PITPNM2: variants seen among roughly 807,000 people sequenced by gnomAD.
PITPNM2 encodes membrane-associated phosphatidylinositol transfer protein 2.
A neutral mutation model predicts 132.2 loss-of-function variants in PITPNM2; 35 were observed. That is an observed-to-expected ratio of 0.26 (90% CI 0.20 to 0.35). PITPNM2 has a LOEUF of 0.35. Ranked by LOEUF, PITPNM2 falls within the 10% of genes least tolerant of loss-of-function variation. PITPNM2 has a pLI of 1.00. For synonymous variants in PITPNM2, 738 were observed against 799.2 expected (o/e 0.92, Z 1.29); for missense variants, 1,332 against 1,912.0 (o/e 0.70, Z 5.66).
Position 123,099,321 on chromosome 12 carries a change from C to T in PITPNM2, c.-96+11064G>A, listed in dbSNP as rs765819419. Among the ~76,000 whole-genome samples the T allele has an allele frequency of 3.9e-5, 6 of 152,230 alleles. No homozygotes were observed. The highest frequency in any genetic ancestry group is 8.8e-5 in the Non-Finnish European group (6 of 68,048). On this transcript the variant is annotated intron_variant, in intron 2 of 25. Transcript: ENST00000320201. This position sits in a 1 kb window ranked among gnomAD's most constrained non-coding sequence, Gnocchi z 4.2. ...GAGATGAGGGCAAAGGCAAGTCTGG[C>T]TCTCTGAATCTGCCTCCCTATGTTC...
At chr12:123,104,353 A>G (rs1020867463) in intron 2 of PITPNM2, among the ~76,000 whole-genome samples, 2 of 152,222 alleles carry the variant, frequency 1.3e-5, no homozygotes, top group African/African-American at 4.8e-5. Flanking sequence ...ACTTGCACCT[A>G]TACGCCCAGA....
rs772471781 is a variant in PITPNM2, at chr12:122,995,576, T to TGCCACCACCGCCACC, written c.1852_1866dup (p.Gly618_Gly622dup). 6.2e-7 allele frequency: 1 copy of TGCCACCACCGCCACC among 1,607,138 alleles called. No individual in the cohort carries two copies. Among genetic ancestry groups the TGCCACCACCGCCACC allele is most frequent in the Non-Finnish European group, 8.5e-7 (1 of 1,179,610 alleles). On this transcript the variant is annotated inframe_insertion, in exon 14 of 26. Transcript: ENST00000320201. Reference sequence around the variant, plus strand: ...CCACTACTGCCACCACCACCACTGCTGCCACCACCGCCACCGCCGCCACCG... The same window carrying TGCCACCACCGCCACC: ...CCACTACTGCCACCACCACCACTGCTGCCACCACCGCCACCGCCACCACCGCCACCGCCGCCACCG...
chr12:122,994,874 G>T lies in PITPNM2; in HGVS notation c.2160C>A (p.Thr720=). ...GALGRFDFEI[T]DLFLFGCPLG... is the part of the protein sequence containing the mutation. ...GCGGGCACCCGAAGAGGAAGAGGTC[G>T]GTGATCTCAAAGTCAAACCTGCCCA... Residue 720 remains threonine (T), a synonymous_variant, in exon 15 of 26, where the codon ACC becomes ACA. Coordinates refer to ENST00000320201, the MANE Select transcript of PITPNM2 (RefSeq NM_020845.3). This position sits in a 1 kb window ranked among gnomAD's most constrained non-coding sequence, Gnocchi z 5.4. The T allele has an allele frequency of 6.2e-7, 1 of 1,612,236 alleles. No homozygotes were observed. The highest frequency in any genetic ancestry group is 8.5e-7 in the Non-Finnish European group (1 of 1,179,950).
intron 2 of PITPNM2, among the ~76,000 whole-genome samples, chr12:123,094,861 C>G (rs1164344643): frequency 6.6e-6 from 1 of 152,224 alleles, no homozygotes; most frequent in East Asian, 1.9e-4. Context: ...GAACAAACAT[C>G]ACATCTACCC....
chr12:123,022,259 G>A lies in PITPNM2; in HGVS notation c.79-8217C>T, dbSNP rs903141986. Among the ~76,000 whole-genome samples the A allele has an allele frequency of 6.6e-5, 10 of 152,202 alleles. No homozygotes were observed. Among genetic ancestry groups the A allele is most frequent in the Non-Finnish European group, 1.3e-4 (9 of 68,038 alleles). ...ACTTGGGCTAAAAGGACAGGGCAGA[G>A]GAGTGCAGCTGGGTCTCAGCTGTGC... On this transcript the variant is annotated intron_variant, in intron 3 of 25. Transcript: ENST00000320201. This position sits in a 1 kb window ranked among gnomAD's most constrained non-coding sequence, Gnocchi z 4.9.
At position 123,060,724 on chromosome 12, in the gene PITPNM2, G is replaced by A. The variant is rs970992229; in HGVS notation, c.-95-26039C>T. Among the ~76,000 whole-genome samples, 9 of 152,214 alleles carry A rather than the reference G, an allele frequency of 5.9e-5. No individual in the cohort carries two copies. The South Asian group carries it at 1.2e-3, about 21-fold the overall frequency. ...GAAGGCCCAAGGCAGGGTGGAAGGT[G>A]GAGCTCAGAGAGGGTTCCAGGGTCC... On this transcript the variant is annotated intron_variant, in intron 2 of 25. Transcript: ENST00000320201.
chr12:123,094,687 C>G (rs1351233305), intron 2 of PITPNM2, among the ~76,000 whole-genome samples: 1 of 152,242 alleles, frequency 6.6e-6, no homozygotes, highest in Middle Eastern at 3.2e-3. Context: ...CCCAGACAGC[C>G]TTCTCCGAAA....
chr12:123,021,128 G>A (rs2039654738), intron 3 of PITPNM2, among the ~76,000 whole-genome samples: 1 of 151,490 alleles, frequency 6.6e-6, no homozygotes, highest in South Asian at 2.1e-4. Flanking sequence ...TGCCCACCAT[G>A]GTGGGATAGA....
At position 122,985,881 on chromosome 12, in the gene PITPNM2, A is replaced by G. The variant is rs1040256508; in HGVS notation, c.*146T>C. The G allele has an allele frequency of 1.4e-6, 1 of 736,494 alleles. No homozygotes were observed. The highest frequency in any genetic ancestry group is 1.9e-5 in the African/African-American group (1 of 53,154). The allele number at this position is 736,494 out of a possible 1,614,324, so 45.6% of individuals were successfully genotyped here. ...GAGGACGTGAGGCAGGGCAGGGAGC[A>G]CTGTGTGGTGCGGCCCGTGTCCTCC... On this transcript the variant is annotated 3_prime_UTR_variant, in exon 26 of 26. Coordinates refer to ENST00000320201, the MANE Select transcript of PITPNM2 (RefSeq NM_020845.3).
intron 1 of PITPNM2, among the ~76,000 whole-genome samples, chr12:123,149,016 G>C (rs1565885652): frequency 6.6e-6 from 1 of 152,146 alleles, no homozygotes; most frequent in African/African-American, 2.4e-5. Context: ...TGGTAGGAGA[G>C]GAGGCAGAAA....
At chr12:123,132,373 C>T (rs1339673863) in intron 1 of PITPNM2, among the ~76,000 whole-genome samples, 1 of 152,142 alleles carries the variant, frequency 6.6e-6, no homozygotes, top group East Asian at 1.9e-4. Context: ...GTCGCCTCTC[C>T]CAGTGTCTGG....
intron 2 of PITPNM2, among the ~76,000 whole-genome samples, chr12:123,039,128 C>T (rs2040374566): frequency 6.6e-6 from 1 of 152,066 alleles, no homozygotes; most frequent in African/African-American, 2.4e-5. Context: ...ACCATGCACC[C>T]CTGGCACGGC....
Position 122,986,731 on chromosome 12 carries a change from G to A in PITPNM2, c.3512C>T (p.Pro1171Leu). 6.2e-7 allele frequency: 1 copy of A among 1,613,618 alleles called. No individual in the cohort carries two copies. Among genetic ancestry groups the A allele is most frequent in the Non-Finnish European group, 8.5e-7 (1 of 1,180,014 alleles). The change falls in exon 24 of 26, where the codon CCC (proline) becomes CTC (leucine). Residue 1171 changes from proline (P) to leucine (L), a missense_variant. By Grantham distance (98) the Pro-to-Leu change is moderately conservative. Transcript: ENST00000320201. ...VVAWLAQHNFPHGVVSFCDGL... is the reference protein window; with the variant it reads ...VVAWLAQHNFLHGVVSFCDGL... ...GTCACAGAAGGACACCACGCCATGGGGGAAGTTGTGCTGGGCCAGCCACGC... is the reference window on the plus strand; with the variant it reads ...GTCACAGAAGGACACCACGCCATGGAGGAAGTTGTGCTGGGCCAGCCACGC...
In PITPNM2 at chr12:123,151,084, C is replaced by A. The variant is rs2043734599; in HGVS notation, c.-531G>T. 6.9e-6 allele frequency among the ~76,000 whole-genome samples: 1 copy of A among 145,818 alleles called. No homozygotes were observed. Among genetic ancestry groups the A allele is most frequent in the African/African-American group, 2.5e-5 (1 of 40,744 alleles). ...GCGGTGCCCCGCGCACCCCAGCGGC[C>A]GCTGCTGCCCGCGCGCGCCGGGCCG... On this transcript the variant is annotated 5_prime_UTR_variant, in exon 1 of 26. Transcript: ENST00000320201.
At chr12:123,112,502 C>A (rs527740630) in intron 1 of PITPNM2, among the ~76,000 whole-genome samples, 1 of 151,662 alleles carries the variant, frequency 6.6e-6, no homozygotes, top group East Asian at 1.9e-4. Flanking sequence ...AATGTCATTT[C>A]ATTCCTTTAA....
intron 2 of PITPNM2, among the ~76,000 whole-genome samples, chr12:123,074,545 C>G (rs1328850274): frequency 6.6e-6 from 1 of 151,906 alleles, no homozygotes; most frequent in African/African-American, 2.4e-5. Flanking sequence ...ATATACACCC[C>G]CCACATGAGC....
Position 122,995,639 on chromosome 12 carries a change from C to T in PITPNM2, c.1804G>A (p.Gly602Ser). 1 of 1,599,900 alleles carries T rather than the reference C, an allele frequency of 6.3e-7. No individual in the cohort carries two copies. The highest frequency in any genetic ancestry group is 2.2e-5 in the East Asian group (1 of 44,592). The part of the protein sequence containing the change: ...SMQDNDLLSP[G>S]ILMNAAHCCG... ...CAGTGTGCTGCATTCATCAGGATGCCCGGGGACAGCAGGTCATTGTCCTGG... is the reference window on the plus strand; with the variant it reads ...CAGTGTGCTGCATTCATCAGGATGCTCGGGGACAGCAGGTCATTGTCCTGG... Residue 602 changes from glycine (G) to serine (S), a missense_variant, in exon 14 of 26, where the codon GGC becomes AGC. Gly to Ser is a moderately conservative substitution (Grantham distance 56, BLOSUM62 0). Transcript: ENST00000320201.
intron 4 of PITPNM2, 86 bp downstream of exon 4, chr12:123,013,742 C>T: frequency 1.4e-6 from 2 of 1,424,534 alleles, no homozygotes; most frequent in Non-Finnish European, 1.9e-6. Flanking sequence ...AAGGCTGATC[C>T]CATCCCCTGG....
chr12:123,018,487 G>A (rs140004089), intron 3 of PITPNM2, among the ~76,000 whole-genome samples: 134 of 151,716 alleles, frequency 8.8e-4, no homozygotes, highest in African/African-American at 2.7e-3. Context: ...TAAAGACAGC[G>A]TTTTGCCATG....
Sources: allele counts gnomAD v4.1 joint callset (sites outside exome capture counted in the v4.1 genomes callset), GRCh38; gene constraint gnomAD v4.1.1; non-coding constraint Gnocchi (gnomAD v3.1); transcripts MANE v1.5; gene names NCBI Gene and HGNC (gene_info 2026-07-23, HGNC 2026-07-21).